KIRREL3: variants seen among roughly 807,000 people sequenced by gnomAD.
The protein encoded by KIRREL3 is kirre like nephrin family adhesion molecule 3, also known as kin of IRRE-like protein 3.
KIRREL3 carries 36 observed loss-of-function variants against 89.7 expected under a neutral mutation model. That is an observed-to-expected ratio of 0.40 (90% CI 0.31 to 0.53). The LOEUF is 0.53. Among genes scored for constraint, KIRREL3 ranks in the 20% least tolerant of loss-of-function variants. KIRREL3 has a pLI of 0.49. For missense variants in KIRREL3, 864 were observed against 1,056.6 expected (o/e 0.82, Z 2.53); for synonymous variants, 445 against 441.4 (o/e 1.01, Z -0.10).
intron 1 of KIRREL3, chr11:126,937,233 C>A (rs1009298151): frequency 1.3e-5 from 2 of 152,226 alleles, no homozygotes; most frequent in African/African-American, 2.4e-5. Context: ...ACAACCACTG[C>A]CTTCCAAATG....
chr11:126,832,210 C>G (rs1380673080), intron 1 of KIRREL3, among the ~76,000 whole-genome samples: 1 of 152,130 alleles, frequency 6.6e-6, no homozygotes, highest in Non-Finnish European at 1.5e-5. Flanking sequence ...CCTAGGTGCA[C>G]ACACTGTGTG....
chr11:126,662,575 T>C (rs889410518), intron 1 of KIRREL3, among the ~76,000 whole-genome samples: 2 of 152,208 alleles, frequency 1.3e-5, no homozygotes, highest in Non-Finnish European at 1.5e-5. Context: ...AGCCAAACAC[T>C]GCATAAAGCC....
At chr11:126,633,157 T>C (rs2134893128) in intron 1 of KIRREL3, among the ~76,000 whole-genome samples, 1 of 152,288 alleles carries the variant, frequency 6.6e-6, no homozygotes, top group Middle Eastern at 3.4e-3. Context: ...GGGTATGGTA[T>C]GTTTGGCCAT....
chr11:126,590,918 T>G (rs1942101684), intron 1 of KIRREL3, among the ~76,000 whole-genome samples: 1 of 152,176 alleles, frequency 6.6e-6, no homozygotes. Flanking sequence ...CTCTTGAGGA[T>G]TTGCCTTATT....
chr11:126,604,720 C>T (rs1183029332), intron 1 of KIRREL3, among the ~76,000 whole-genome samples: 1 of 152,186 alleles, frequency 6.6e-6, no homozygotes, highest in African/African-American at 2.4e-5. Context: ...GCAGAATGGC[C>T]CACTTCTAAA....
rs1450580378 is a variant in KIRREL3 at position 126,486,148 on chromosome 11, A to G, written c.434-12682T>C. ...GCAGAGTGGAGGAAGGGAGGTGGGTAGAGAAGGGAGCTGCAGTGATTTGCA... is the reference window on the plus strand; with the variant it reads ...GCAGAGTGGAGGAAGGGAGGTGGGTGGAGAAGGGAGCTGCAGTGATTTGCA... On this transcript the variant is annotated intron_variant, in intron 4 of 16. Coordinates refer to ENST00000525144, the MANE Select transcript of KIRREL3 (RefSeq NM_032531.4). The surrounding 1 kb of genome is among the most constrained non-coding windows in gnomAD (Gnocchi z 6.2). 1.3e-5 allele frequency among the ~76,000 whole-genome samples: 2 copies of G among 152,174 alleles called. No individual in the cohort carries two copies. Among genetic ancestry groups the G allele is most frequent in the Non-Finnish European group, 2.9e-5 (2 of 68,022 alleles).
Position 126,570,552 on chromosome 11 carries a change from C to T in KIRREL3, c.56-7640G>A, listed in dbSNP as rs183361619. 6.8e-4 allele frequency among the ~76,000 whole-genome samples: 104 copies of T among 152,298 alleles called. No homozygotes were observed. Among genetic ancestry groups the T allele is most frequent in the African/African-American group, 2.3e-3 (97 of 41,566 alleles). ...CCAGCTCCAGCAGGCAGCAAGCCTC[C>T]CTCACACACCTGCTGATCACGTGCC... On this transcript the variant is annotated intron_variant, in intron 1 of 16. Coordinates refer to ENST00000525144, the MANE Select transcript of KIRREL3 (RefSeq NM_032531.4). This position sits in a 1 kb window ranked among gnomAD's most constrained non-coding sequence, Gnocchi z 6.1.
At chr11:126,759,727 A>G (rs1224933234) in intron 1 of KIRREL3, among the ~76,000 whole-genome samples, 2 of 152,238 alleles carry the variant, frequency 1.3e-5, no homozygotes, top group East Asian at 3.9e-4. Flanking sequence ...AGACATAAGT[A>G]TATCTAACAT....
In KIRREL3 at chr11:126,610,729, C is replaced by T. The variant is rs1435036669; in HGVS notation, c.56-47817G>A. 6.6e-6 allele frequency: 1 copy of T among 152,228 alleles called. No individual in the cohort carries two copies. The highest frequency in any genetic ancestry group is 1.5e-5 in the Non-Finnish European group (1 of 68,060). The allele number at this position is 152,228 out of a possible 1,614,324, so 9.4% of individuals were successfully genotyped here. On this transcript the variant is annotated intron_variant, in intron 1 of 16. Coordinates refer to ENST00000525144, the MANE Select transcript of KIRREL3 (RefSeq NM_032531.4). The surrounding 1 kb of genome is among the most constrained non-coding windows in gnomAD (Gnocchi z 4.6). The stretch of plus-strand genomic sequence containing the variant: ...GGAGAAATCCATCCTTCCCTGGGAT[C>T]TCTTGGAGGGCTCTCCATCTCTCTT...
Position 126,647,115 on chromosome 11 carries a change from C to T in KIRREL3, c.56-84203G>A, listed in dbSNP as rs955192398. 6.6e-6 allele frequency among the ~76,000 whole-genome samples: 1 copy of T among 152,178 alleles called. No individual in the cohort carries two copies. The highest frequency in any genetic ancestry group is 6.5e-5 in the Admixed American group (1 of 15,284). On this transcript the variant is annotated intron_variant, in intron 1 of 16. Coordinates refer to ENST00000525144, the MANE Select transcript of KIRREL3 (RefSeq NM_032531.4). This position sits in a 1 kb window ranked among gnomAD's most constrained non-coding sequence, Gnocchi z 4.9. ...GACAAACAGGAGGCTCGGCACTTTT[C>T]ATTTTAGGCACTTTTCTAGGCAAGT... is the stretch of plus-strand genomic sequence containing the variant.
At chr11:126,448,782 C>T (rs768759528) in intron 8 of KIRREL3, among the ~76,000 whole-genome samples, 5 of 152,310 alleles carry the variant, frequency 3.3e-5, no homozygotes, top group Non-Finnish European at 5.9e-5. Context: ...TCTATGGTAA[C>T]GTGTCATAGC....
At chr11:126,834,467 C>A (rs76715956) in intron 1 of KIRREL3, among the ~76,000 whole-genome samples, 2,053 of 152,334 alleles carry the variant, frequency 0.013, 49 homozygotes, top group African/African-American at 0.047. Flanking sequence ...TCCTTTCTAT[C>A]AGACTGGCTC....
rs947694122 is a variant in KIRREL3 at position 126,896,352 on chromosome 11, G to A, written c.55+104103C>T. 2.6e-5 allele frequency among the ~76,000 whole-genome samples: 4 copies of A among 152,320 alleles called. 1 individual carries two copies. The highest frequency in any genetic ancestry group is 7.2e-5 in the African/African-American group (3 of 41,572). On this transcript the variant is annotated intron_variant, in intron 1 of 16. Transcript: ENST00000525144. This position sits in a 1 kb window ranked among gnomAD's most constrained non-coding sequence, Gnocchi z 4.1. ...AGCATCTCCCAGAAAACCTGAGCAG[G>A]TCAGGGGCTTCTCTGACTCCTCTCC...
chr11:126,562,291 G>C lies in KIRREL3; in HGVS notation c.133+544C>G, dbSNP rs762986445. On this transcript the variant is annotated intron_variant, in intron 2 of 16. Transcript: ENST00000525144. This position sits in a 1 kb window ranked among gnomAD's most constrained non-coding sequence, Gnocchi z 4.7. The stretch of plus-strand genomic sequence containing the variant: ...GTGACCCAATGAAGCCAGTGCAAGA[G>C]GAAGACAGAATGGCCTCTGAGTAAG... Among the ~76,000 whole-genome samples the C allele has an allele frequency of 8.5e-5, 13 of 152,166 alleles. No individual in the cohort carries two copies. The highest frequency in any genetic ancestry group is 1.5e-4 in the Non-Finnish European group (10 of 68,036).
At chr11:126,822,435 T>C (rs116827130) in intron 1 of KIRREL3, among the ~76,000 whole-genome samples, 1 of 152,314 alleles carries the variant, frequency 6.6e-6, no homozygotes, top group African/African-American at 2.4e-5. Flanking sequence ...ATATCACAAA[T>C]TTCAAGGGGC....
rs111298885 is a variant in KIRREL3, at chr11:126,869,095, A to C, written c.55+131360T>G. 8.9e-4 allele frequency among the ~76,000 whole-genome samples: 135 copies of C among 151,078 alleles called. 1 individual carries two copies. Among genetic ancestry groups the C allele is most frequent in the African/African-American group, 2.8e-3 (116 of 41,096 alleles). ...TTGAGGGGACATAAACATTCAGTCC[A>C]TTGTATCTACATAGAAAAAGCTGTT... On this transcript the variant is annotated intron_variant, in intron 1 of 16. Coordinates refer to ENST00000525144, the MANE Select transcript of KIRREL3 (RefSeq NM_032531.4).
intron 5 of KIRREL3, among the ~76,000 whole-genome samples, chr11:126,466,401 C>T (rs1956727868): frequency 6.6e-6 from 1 of 152,204 alleles, no homozygotes; most frequent in Admixed American, 6.5e-5. Context: ...AGCGGGTATC[C>T]CAGGGAGGAA....
chr11:126,685,102 T>A lies in KIRREL3; in HGVS notation c.56-122190A>T, dbSNP rs1425165976. Among the ~76,000 whole-genome samples the A allele has an allele frequency of 6.6e-6, 1 of 152,156 alleles. No individual in the cohort carries two copies. Among genetic ancestry groups the A allele is most frequent in the Non-Finnish European group, 1.5e-5 (1 of 68,024 alleles). On this transcript the variant is annotated intron_variant, in intron 1 of 16. Coordinates refer to ENST00000525144, the MANE Select transcript of KIRREL3 (RefSeq NM_032531.4). This position sits in a 1 kb window ranked among gnomAD's most constrained non-coding sequence, Gnocchi z 5.5. ...GGAAATACAAAGATGAAGGACATAG[T>A]CAATCTCTTCAAGGAGGTCATGGCC...
rs534409753 is a variant in KIRREL3, at chr11:126,755,764, G to C, written c.56-192852C>G. On this transcript the variant is annotated intron_variant, in intron 1 of 16. Transcript: ENST00000525144. This position sits in a 1 kb window ranked among gnomAD's most constrained non-coding sequence, Gnocchi z 4.3. ...GCAACTCTTTCCATGCCCCTTCTTT[G>C]CACTTTTTCCACCCCCTCACCACTA... Among the ~76,000 whole-genome samples, 1 of 151,664 alleles carries C rather than the reference G, an allele frequency of 6.6e-6. No individual in the cohort carries two copies. Among genetic ancestry groups the C allele is most frequent in the East Asian group, 1.9e-4 (1 of 5,136 alleles).
Sources: gnomAD v4.1 joint callset for allele counts (sites outside exome capture counted in the v4.1 genomes callset) on GRCh38, gnomAD v4.1.1 for gene constraint, Gnocchi (gnomAD v3.1) non-coding constraint, MANE v1.5 for transcripts, NCBI Gene and HGNC (gene_info 2026-07-23, HGNC 2026-07-21) for gene names.